The following CTBP1 variants were observed in gnomAD, a reference collection of about 807,000 sequenced individuals.
CTBP1 encodes C-terminal binding protein 1, also known as C-terminal-binding protein 1.
CTBP1 carries 11 observed loss-of-function variants against 42.1 expected under a neutral mutation model. The ratio of observed to expected loss-of-function variants is 0.26; its 90% CI spans 0.16 to 0.43. The LOEUF is 0.43. CTBP1 is among the 20% of genes least tolerant of loss of function. The pLI is 1.00. For synonymous variants in CTBP1, 324 were observed against 277.1 expected, an observed-to-expected ratio of 1.17 and a Z score of -1.68; for missense variants, 399 against 624.3, an observed-to-expected ratio of 0.64 and a Z score of 3.85.
Position 1,219,562 on chromosome 4 carries a change from C to A in CTBP1, c.515-3357G>T, listed in dbSNP as rs371079375. Among the ~76,000 whole-genome samples the A allele has an allele frequency of 6.9e-4, 105 of 152,332 alleles. 1 individual carries two copies. In the South Asian group the frequency reaches 0.02, roughly 29 times the overall value. On this transcript the variant is annotated intron_variant, in intron 5 of 9. Transcript: ENST00000382952. ...ATCAACACGGTAACACCCACACTCA[C>A]TGCTGCTGATGATTGTAGCTAATGC...
intron 3 of CTBP1, among the ~76,000 whole-genome samples, chr4:1,229,861 G>T (rs945730095): frequency 6.6e-6 from 1 of 152,230 alleles, no homozygotes; most frequent in Non-Finnish European, 1.5e-5. Flanking sequence ...GGACCTAGAG[G>T]AGAGGACCAT....
chr4:1,248,041 G>A (rs1022032569), intron 1 of CTBP1, among the ~76,000 whole-genome samples: 3 of 152,234 alleles, frequency 2.0e-5, no homozygotes, highest in African/African-American at 7.2e-5. Flanking sequence ...GGGCTCAGGC[G>A]CACGGACTCT....
rs993288132 is a variant in CTBP1, at chr4:1,245,278, C to A, written c.-189+3638G>T. The A allele has an allele frequency of 1.7e-5, 17 of 985,346 alleles. No homozygotes were observed. In the African/African-American group the frequency reaches 2.8e-4, roughly 16 times the overall value. 61.0% of individuals were successfully genotyped at this position (985,346 alleles called of 1,614,324 possible). On this transcript the variant is annotated intron_variant, in intron 1 of 9. Coordinates refer to ENST00000382952, the MANE Select transcript of CTBP1 (RefSeq NM_001012614.2). ...GTGATCAAAGGCATGGATTTGCCAG[C>A]AAGATTCCTCTCCAGGACATCCGTG...
At chr4:1,222,201 C>T (rs574735441) in intron 5 of CTBP1, among the ~76,000 whole-genome samples, 8 of 152,044 alleles carry the variant, frequency 5.3e-5, no homozygotes, top group Non-Finnish European at 1.0e-4. Context: ...GGGACAAGGG[C>T]GAGGGGCGGG....
intron 5 of CTBP1, chr4:1,216,680 A>G (rs763399372): frequency 9.6e-6 from 2 of 209,146 alleles, no homozygotes; most frequent in Non-Finnish European, 2.0e-5. Context: ...CTTCCAGACC[A>G]GGGAGGCCCC....
intron 2 of CTBP1, among the ~76,000 whole-genome samples, chr4:1,240,096 C>A (rs1732006522): frequency 6.6e-6 from 1 of 152,270 alleles, no homozygotes; most frequent in Non-Finnish European, 1.5e-5. Flanking sequence ...GGGATCACTG[C>A]AGACCGCTCG....
At chr4:1,242,910 T>C (rs1229027118) in intron 1 of CTBP1, 27 of 985,044 alleles carry the variant, frequency 2.7e-5, no homozygotes, top group Non-Finnish European at 3.1e-5. Context: ...AACTCATCAA[T>C]GCCAGCCGAT....
chr4:1,213,526 T>G lies in CTBP1; in HGVS notation c.940A>C (p.Ile314Leu), dbSNP rs1394202072. ...CGTGCCGCCTCCTCTCGCATCTCGA[T>G]GGATGCCTGCTCGCTGTACCATGCA... Reference protein sequence around the residue: ...HAAWYSEQASIEMREEAAREI... With the variant: ...HAAWYSEQASLEMREEAAREI... The change falls in exon 8 of 10, where the codon ATC (isoleucine) becomes CTC (leucine). Residue 314 changes from isoleucine (I) to leucine (L), a missense_variant. By Grantham distance (5) the Ile-to-Leu change is conservative. This residue lies in a region of CTBP1 where 309 missense variants were observed against 497.5 expected (regional missense o/e 0.62). Transcript: ENST00000382952. 6.2e-7 allele frequency: 1 copy of G among 1,612,968 alleles called. No homozygotes were observed. Among genetic ancestry groups the G allele is most frequent in the Non-Finnish European group, 8.5e-7 (1 of 1,179,920 alleles).
At chr4:1,228,406 G>T in intron 3 of CTBP1, 63 bp from the exon 4 acceptor site, 1 of 1,568,678 alleles carries the variant, frequency 6.4e-7, no homozygotes, top group Non-Finnish European at 8.7e-7. Flanking sequence ...TGGCCTTCGG[G>T]GGTGGGGCTG....
intron 5 of CTBP1, among the ~76,000 whole-genome samples, chr4:1,224,580 T>C (rs1384786102): frequency 6.6e-6 from 1 of 151,290 alleles, no homozygotes; most frequent in East Asian, 2.0e-4. Context: ...CATCCGTGTG[T>C]GATGTCTGTG....
Position 1,224,948 on chromosome 4 carries a change from CCCA to C in CTBP1, c.514+409_514+411del, listed in dbSNP as rs532103691. On this transcript the variant is annotated intron_variant, in intron 5 of 9. Transcript: ENST00000382952. ...TGTGTGCCATGATGTCTGTGTGAGG[CCCA>C]CATGTGTGCTCTGATTTCTGTGTGA... Among the ~76,000 whole-genome samples, 49 of 152,014 alleles carry C rather than the reference CCCA, an allele frequency of 3.2e-4. 1 individual carries two copies. Among genetic ancestry groups the C allele is most frequent in the Middle Eastern group, 6.8e-3 (2 of 294 alleles).
intron 5 of CTBP1, among the ~76,000 whole-genome samples, chr4:1,219,318 C>T (rs1000076552): frequency 2.0e-5 from 3 of 152,228 alleles, no homozygotes; most frequent in African/African-American, 4.8e-5. Context: ...CACCACCACA[C>T]TCCAGCCCGA....
chr4:1,244,625 CT>C, intron 1 of CTBP1: 2 of 985,380 alleles, frequency 2.0e-6, no homozygotes, highest in Non-Finnish European at 2.4e-6. Flanking sequence ...ACAGCAGCCC[CT>C]AAAGCCGCTG....
chr4:1,228,070 A>C (rs545766617), intron 4 of CTBP1, 129 bp downstream of exon 4: 2 of 1,343,526 alleles, frequency 1.5e-6, no homozygotes, highest in South Asian at 2.7e-5. Context: ...CGGGACCACG[A>C]ACCACCGCCA....
rs538686721 is a variant in CTBP1, at chr4:1,224,632, G to T, written c.514+728C>A. On this transcript the variant is annotated intron_variant, in intron 5 of 9. Transcript: ENST00000382952. ...GTGTGAGGCCTGTATGTGTGCTGTG[G>T]TGTTGTGTGTGACATCTGTGCAGGC... Among the ~76,000 whole-genome samples the T allele has an allele frequency of 1.3e-4, 19 of 150,368 alleles. 1 individual carries two copies. The highest frequency in any genetic ancestry group is 5.9e-4 in the East Asian group (3 of 5,046).
chr4:1,244,487 C>A (rs1170505120), intron 1 of CTBP1: 3 of 985,166 alleles, frequency 3.0e-6, no homozygotes, highest in African/African-American at 3.5e-5. Context: ...CGGCAGCTAC[C>A]AACCCTCCAC....
intron 5 of CTBP1, among the ~76,000 whole-genome samples, chr4:1,224,499 T>C (rs1313871406): frequency 6.6e-6 from 1 of 151,608 alleles, no homozygotes; most frequent in Non-Finnish European, 1.5e-5. Flanking sequence ...GTGTGTGATG[T>C]CTGTGAGGCC....
intron 3 of CTBP1, among the ~76,000 whole-genome samples, chr4:1,229,968 G>A (rs896563535): frequency 6.6e-6 from 1 of 152,160 alleles, no homozygotes; most frequent in African/African-American, 2.4e-5. Context: ...AGGGAAGGTT[G>A]GAGCACCTCG....
intron 5 of CTBP1, among the ~76,000 whole-genome samples, chr4:1,219,595 CA>C (rs1729516527): frequency 6.6e-6 from 1 of 151,880 alleles, no homozygotes; most frequent in Non-Finnish European, 1.5e-5. Flanking sequence ...TGCAAAAAGG[CA>C]AAAATAAAGA....
Sources: allele counts gnomAD v4.1 joint callset (sites outside exome capture counted in the v4.1 genomes callset), GRCh38; gene constraint gnomAD v4.1.1; regional missense constraint gnomAD v4.1.1; transcripts MANE v1.5; gene names NCBI Gene and HGNC (gene_info 2026-07-23, HGNC 2026-07-21).